The following FAT3 variants were observed in gnomAD, a reference collection of about 807,000 sequenced individuals.
FAT3 encodes the protein FAT atypical cadherin 3, also known as protocadherin Fat 3.
A neutral mutation model predicts 310.2 loss-of-function variants in FAT3; 95 were observed. That is an observed-to-expected ratio of 0.31 (90% confidence interval 0.26 to 0.36). The LOEUF is 0.36. Ranked by LOEUF, FAT3 falls within the 10% of genes least tolerant of loss-of-function variation. The pLI, the probability that FAT3 is intolerant of heterozygous loss-of-function variation, is 1.00. For synonymous variants in FAT3, 2,314 were observed against 2,192.9 expected (o/e 1.06, Z -1.54); for missense variants, 5,408 against 5,715.6 (o/e 0.95, Z 1.74).
rs149529519 is a variant in FAT3, at chr11:92,848,539, A to G, written c.11365+3807A>G. Among the ~76,000 whole-genome samples, 390 of 152,360 alleles carry G rather than the reference A, an allele frequency of 2.6e-3. 4 individuals are homozygous for G. Among genetic ancestry groups the G allele is most frequent in the Non-Finnish European group, 1.4e-3 (92 of 68,032 alleles). On this transcript the variant is annotated intron_variant, in intron 19 of 27. Transcript: ENST00000525166. ...TTTGAAAAATTGCATTCAAAAATCT[A>G]ATACATAAATATATCAAAAAGGACA...
At chr11:92,761,751 G>C (rs1946156264) in intron 4 of FAT3, 105 bp from the exon 5 acceptor site, 2 of 987,024 alleles carry the variant, frequency 2.0e-6, no homozygotes, top group Admixed American at 2.3e-5. Context: ...AAAAGAATTT[G>C]GATAGGATAG....
intron 3 of FAT3, among the ~76,000 whole-genome samples, chr11:92,645,060 C>A (rs1942099826): frequency 6.6e-6 from 1 of 152,100 alleles, no homozygotes; most frequent in Admixed American, 6.6e-5. Context: ...AATCTTCCTG[C>A]ATTTTATATA....
intron 3 of FAT3, among the ~76,000 whole-genome samples, chr11:92,639,594 T>C (rs2135723862): frequency 6.6e-6 from 1 of 152,308 alleles, no homozygotes; most frequent in South Asian, 2.1e-4. Flanking sequence ...CTGAGCATGG[T>C]GCTTGAAAAG....
At chr11:92,615,650 G>A (rs1034527428) in intron 3 of FAT3, among the ~76,000 whole-genome samples, 1 of 152,216 alleles carries the variant, frequency 6.6e-6, no homozygotes, top group African/African-American at 2.4e-5. Flanking sequence ...TGCTTTAAAT[G>A]TGTGCCAGAG....
chr11:92,290,298 G>A (rs1946657902), intron 1 of FAT3, among the ~76,000 whole-genome samples: 1 of 152,042 alleles, frequency 6.6e-6, no homozygotes, highest in Non-Finnish European at 1.5e-5. Context: ...ATAGCCCCTT[G>A]GGGGCAAAGA....
intron 3 of FAT3, among the ~76,000 whole-genome samples, chr11:92,550,048 C>T (rs550863993): frequency 3.4e-4 from 52 of 152,256 alleles, no homozygotes; most frequent in Admixed American, 9.2e-4. Context: ...CTGATATACT[C>T]TAGAGCTTGT....
chr11:92,364,589 G>T (rs1474745155), intron 2 of FAT3, among the ~76,000 whole-genome samples: 1 of 152,198 alleles, frequency 6.6e-6, no homozygotes, highest in Admixed American at 6.5e-5. Flanking sequence ...TCGTTGAAAA[G>T]AAAATGAAAT....
At chr11:92,359,569 G>A (rs1267008358) in intron 2 of FAT3, among the ~76,000 whole-genome samples, 3 of 149,746 alleles carry the variant, frequency 2.0e-5, no homozygotes, top group Non-Finnish European at 3.0e-5. Context: ...ATGCTGGTGC[G>A]CTGCACCCAC....
intron 7 of FAT3, among the ~76,000 whole-genome samples, chr11:92,785,794 A>T (rs2136145436): frequency 6.6e-6 from 1 of 152,296 alleles, no homozygotes; most frequent in African/African-American, 2.4e-5. Flanking sequence ...ATTATAGCAT[A>T]ATTGCAATTA....
intron 10 of FAT3, among the ~76,000 whole-genome samples, chr11:92,802,229 TG>T (rs1462380673): frequency 2.0e-5 from 3 of 152,194 alleles, no homozygotes; most frequent in Non-Finnish European, 4.4e-5. Flanking sequence ...AACAACTTTT[TG>T]GTGGAGAGGT....
chr11:92,394,063 A>G (rs999189928), intron 2 of FAT3, among the ~76,000 whole-genome samples: 5 of 152,166 alleles, frequency 3.3e-5, no homozygotes, highest in African/African-American at 1.2e-4. Context: ...CCACCACAGC[A>G]CTGGACATGT....
Position 92,801,657 on chromosome 11 carries a change from G to A in FAT3, c.8644G>A (p.Asp2882Asn). The A allele has an allele frequency of 1.9e-6, 3 of 1,613,862 alleles. No homozygotes were observed. Among genetic ancestry groups the A allele is most frequent in the Non-Finnish European group, 2.5e-6 (3 of 1,179,838 alleles). Residue 2882 changes from aspartate (D) to asparagine (N), a missense_variant, in exon 10 of 28, where the codon GAT (aspartate) becomes AAT (asparagine). Coordinates refer to ENST00000525166, the MANE Select transcript of FAT3 (RefSeq NM_001367949.2). ...TGWISTLKDL[D>N]HETDPTFTFS... ...CTGGATCAGTACCTTGAAGGACCTA[G>A]ATCACGAGACAGACCCCACATTCAC...
In FAT3 at chr11:92,809,976, C is replaced by T. The variant is rs1208428694; in HGVS notation, c.9381C>T (p.Asn3127=). ...TAATCCTGGAGGATGTGAATGATAA[C>T]CCCCCTGTGTTTTCTTCTGACCACT... ...IHLILEDVND[N]PPVFSSDHYN... The change falls in exon 13 of 28, where the codon AAC becomes AAT. Residue 3127 remains asparagine, a synonymous_variant. Coordinates refer to ENST00000525166, the MANE Select transcript of FAT3 (RefSeq NM_001367949.2). The T allele has an allele frequency of 1.9e-6, 3 of 1,613,760 alleles. No individual in the cohort carries two copies. The highest frequency in any genetic ancestry group is 1.3e-5 in the African/African-American group (1 of 74,918).
Position 92,883,075 on chromosome 11 carries a change from A to C in FAT3, c.12619A>C (p.Ile4207Leu), listed in dbSNP as rs976084770. Residue 4207 changes from isoleucine to leucine, a missense_variant, in exon 24 of 28, where the codon ATC becomes CTC. By Grantham distance (5) the Ile-to-Leu change is conservative (BLOSUM62 2). This residue lies in a region of FAT3 where 649 missense variants were observed against 666.2 expected (regional missense o/e 0.97). Transcript: ENST00000525166. This position sits in a 1 kb window ranked among gnomAD's most constrained non-coding sequence, Gnocchi z 4.2. ...CGCCCTGCTTAACAAGAGCAATGGC[A>C]TCCCGTTCCGGAACCTGCGCGGCAG... ...TAALLNKSNG[I>L]PFRNLRGSGD... 6.2e-7 allele frequency: 1 copy of C among 1,613,894 alleles called. No homozygotes were observed. The highest frequency in any genetic ancestry group is 2.2e-5 in the East Asian group (1 of 44,872).
At chr11:92,464,922 T>C (rs1036740674) in intron 2 of FAT3, among the ~76,000 whole-genome samples, 7 of 152,180 alleles carry the variant, frequency 4.6e-5, no homozygotes, top group Admixed American at 1.3e-4. Flanking sequence ...AAGCATACAT[T>C]TGATAAGCTT....
At chr11:92,774,306 A>C in intron 7 of FAT3, 126 bp downstream of exon 7, 1 of 1,068,122 alleles carries the variant, frequency 9.4e-7, no homozygotes, top group Non-Finnish European at 1.3e-6. Context: ...TGTTTAAAAA[A>C]ATCATTTTCA....
At chr11:92,590,182 G>A (rs563081344) in intron 3 of FAT3, among the ~76,000 whole-genome samples, 5 of 152,130 alleles carry the variant, frequency 3.3e-5, no homozygotes, top group Non-Finnish European at 7.4e-5. Flanking sequence ...TTACTCATAA[G>A]TGGTATAATC....
intron 4 of FAT3, among the ~76,000 whole-genome samples, chr11:92,738,705 A>G (rs2676168): frequency 0.25 from 37,343 of 152,140 alleles, 5,720 homozygotes; most frequent in African/African-American, 0.43. Context: ...TTTCCTGGAA[A>G]AGTATGTACA....
chr11:92,654,189 A>G (rs1032685324), intron 3 of FAT3, among the ~76,000 whole-genome samples: 2 of 152,210 alleles, frequency 1.3e-5, no homozygotes, highest in African/African-American at 4.8e-5. Context: ...TTCCCTCAGA[A>G]TCCCAACCCA....
Sources: gnomAD v4.1 joint callset for allele counts (sites outside exome capture counted in the v4.1 genomes callset) on GRCh38, gnomAD v4.1.1 for gene constraint, gnomAD v4.1.1 regional missense constraint, Gnocchi (gnomAD v3.1) non-coding constraint, MANE v1.5 for transcripts, NCBI Gene and HGNC (gene_info 2026-07-23, HGNC 2026-07-21) for gene names.